The following RBFOX1 variants were observed in gnomAD, a reference collection of about 807,000 sequenced individuals.
The protein encoded by RBFOX1 is RNA binding protein fox-1 homolog 1.
RBFOX1 carries 8 observed loss-of-function variants against 57.7 expected under a neutral mutation model. That is an observed-to-expected ratio of 0.14 (90% CI 0.08 to 0.25). RBFOX1 has a LOEUF of 0.25. Among genes scored for constraint, RBFOX1 ranks in the 10% least tolerant of loss-of-function variants. RBFOX1 has a pLI of 1.00. For missense variants in RBFOX1, 611 were observed against 548.5 expected, an observed-to-expected ratio of 1.11 and a Z score of -1.14; for synonymous variants, 326 against 222.4, an observed-to-expected ratio of 1.47 and a Z score of -4.15.
intron 4 of RBFOX1, among the ~76,000 whole-genome samples, chr16:7,127,010 C>CAA (rs4035897): frequency 0.016 from 2,068 of 129,162 alleles, 56 homozygotes; most frequent in African/African-American, 0.055. Flanking sequence ...GAATCCGTCT[C>CAA]AAAAAAAAAA....
intron 4 of RBFOX1, among the ~76,000 whole-genome samples, chr16:7,176,633 A>T (rs1467179123): frequency 1.3e-5 from 2 of 152,198 alleles, no homozygotes; most frequent in Non-Finnish European, 2.9e-5. Context: ...TATGGGTGGC[A>T]AAGCCTGAAA....
intron 3 of RBFOX1, among the ~76,000 whole-genome samples, chr16:7,042,136 G>C (rs2046376302): frequency 6.6e-6 from 1 of 152,144 alleles, no homozygotes; most frequent in Admixed American, 6.5e-5. Context: ...AGCCAAGTTT[G>C]GAAATTTATG....
At chr16:6,672,655 T>C (rs1004481347) in intron 3 of RBFOX1, among the ~76,000 whole-genome samples, 5 of 152,164 alleles carry the variant, frequency 3.3e-5, no homozygotes, top group South Asian at 2.1e-4. Context: ...CCTGAAATGA[T>C]TCCATAGGAA....
downstream of RBFOX1, among the ~76,000 whole-genome samples, chr16:5,602,960 G>C (rs542783158): frequency 6.6e-6 from 1 of 152,280 alleles, no homozygotes; most frequent in Admixed American, 6.5e-5. Flanking sequence ...ATGCTGTGTC[G>C]TTCCTCTAGA....
intron 5 of RBFOX1, among the ~76,000 whole-genome samples, chr16:7,551,481 A>G (rs2086514421): frequency 6.6e-6 from 1 of 152,200 alleles, no homozygotes; most frequent in African/African-American, 2.4e-5. Context: ...GAGACACTGG[A>G]GAGACAGTAG....
At chr16:7,586,716 T>C (rs9922599) in intron 6 of RBFOX1, among the ~76,000 whole-genome samples, 99,025 of 152,082 alleles carry the variant, frequency 0.65, 33,950 homozygotes, top group Non-Finnish European at 0.77. Flanking sequence ...TGATCACAAC[T>C]GCTGATACCA....
At chr16:5,464,180 T>C (rs1375166856) in intron 1 of RBFOX1, among the ~76,000 whole-genome samples, 3 of 152,162 alleles carry the variant, frequency 2.0e-5, no homozygotes, top group Non-Finnish European at 4.4e-5. Context: ...GTGGAGTTGA[T>C]AATGTCTGTG....
At chr16:6,222,921 A>T (rs535868275) in intron 1 of RBFOX1, among the ~76,000 whole-genome samples, 6 of 151,698 alleles carry the variant, frequency 4.0e-5, no homozygotes, top group African/African-American at 1.2e-4. Context: ...TCATTGTTCA[A>T]TTCCCATCTA....
chr16:5,257,846 T>G (rs556730711), intron 1 of RBFOX1, among the ~76,000 whole-genome samples: 21 of 152,170 alleles, frequency 1.4e-4, no homozygotes, highest in African/African-American at 5.1e-4. Context: ...ATCATTTTTT[T>G]GGGGTGGGGG....
chr16:6,934,650 C>G (rs973609534), intron 3 of RBFOX1, among the ~76,000 whole-genome samples: 1 of 152,176 alleles, frequency 6.6e-6, no homozygotes, highest in African/African-American at 2.4e-5. Flanking sequence ...CACAGAAAGA[C>G]AAGTACCATA....
chr16:6,682,550 G>T (rs1333940545), intron 3 of RBFOX1, among the ~76,000 whole-genome samples: 1 of 152,164 alleles, frequency 6.6e-6, no homozygotes, highest in Non-Finnish European at 1.5e-5. Context: ...CTGGACCGGT[G>T]CATGCTTTGC....
chr16:5,364,555 C>G (rs1437083942), intron 1 of RBFOX1, among the ~76,000 whole-genome samples: 1 of 152,208 alleles, frequency 6.6e-6, no homozygotes, highest in African/African-American at 2.4e-5. Context: ...AAAGATTTTT[C>G]TCTTTGTGAT....
At chr16:7,688,893 G>A (rs183819768) in intron 14 of RBFOX1, among the ~76,000 whole-genome samples, 1 of 152,004 alleles carries the variant, frequency 6.6e-6, no homozygotes, top group Non-Finnish European at 1.5e-5. Flanking sequence ...AGAATGTTAA[G>A]TTACTCCACA....
chr16:6,311,829 T>C (rs1024160634), intron 1 of RBFOX1, among the ~76,000 whole-genome samples: 4 of 152,096 alleles, frequency 2.6e-5, no homozygotes, highest in Admixed American at 2.0e-4. Context: ...CCTGTCTAGT[T>C]CACTTCTCCC....
In RBFOX1 at chr16:7,237,725, C is replaced by T. The variant is rs936486442; in HGVS notation, c.27+185627C>T. On this transcript the variant is annotated intron_variant, in intron 4 of 15. Transcript: ENST00000550418. ...CCTTAGAAATGAAGGAGATTCTGGC[C>T]GACTGTGTGGTGGCTCTAGCCTGCA... Among the ~76,000 whole-genome samples, 37 of 152,248 alleles carry T rather than the reference C, an allele frequency of 2.4e-4. 1 individual carries two copies. The highest frequency in any genetic ancestry group is 4.0e-4 in the Non-Finnish European group (27 of 68,026).
At chr16:5,721,699 C>G (rs1296238384) in intron 3 of RBFOX1, among the ~76,000 whole-genome samples, 3 of 152,144 alleles carry the variant, frequency 2.0e-5, no homozygotes, top group Non-Finnish European at 4.4e-5. Context: ...TTGCCAAATG[C>G]TTTCTCTGCA....
chr16:7,531,587 G>C (rs998624829), intron 5 of RBFOX1, among the ~76,000 whole-genome samples: 4 of 152,156 alleles, frequency 2.6e-5, no homozygotes, highest in African/African-American at 9.7e-5. Flanking sequence ...GGTCTTCCAT[G>C]AGCCATGCAC....
intron 4 of RBFOX1, among the ~76,000 whole-genome samples, chr16:7,461,551 T>C (rs4522436): frequency 1 from 151,613 of 152,314 alleles, 75,468 homozygotes; most frequent in Middle Eastern, 1. Flanking sequence ...GTATTTCAGA[T>C]ACCCTCCAAG....
intron 4 of RBFOX1, among the ~76,000 whole-genome samples, chr16:7,397,201 G>A (rs1374167920): frequency 6.6e-6 from 1 of 152,194 alleles, no homozygotes; most frequent in Non-Finnish European, 1.5e-5. Context: ...CTGGTGCTGA[G>A]TGTAGTAACA....
Sources: gnomAD v4.1 joint callset for allele counts (sites outside exome capture counted in the v4.1 genomes callset) on GRCh38, gnomAD v4.1.1 for gene constraint, MANE v1.5 for transcripts, NCBI Gene and HGNC (gene_info 2026-07-23, HGNC 2026-07-21) for gene names.